CPQ: variants seen among roughly 807,000 people sequenced by gnomAD.
CPQ encodes Ser-Met dipeptidase.
In CPQ, 37 loss-of-function variants were observed where a neutral mutation model predicts 45.7. The ratio of observed to expected loss-of-function variants is 0.81; its 90% confidence interval spans 0.62 to 1.07. The LOEUF is 1.07. CPQ is among the 50% of genes least tolerant of loss of function. The pLI is 0.00. For synonymous variants in CPQ, 186 were observed against 205.8 expected, an observed-to-expected ratio of 0.90 and a Z score of 0.82; for missense variants, 537 against 572.9, an observed-to-expected ratio of 0.94 and a Z score of 0.64.
At chr8:96,967,571 T>C (rs899459327) in intron 5 of CPQ, among the ~76,000 whole-genome samples, 1 of 152,226 alleles carries the variant, frequency 6.6e-6, no homozygotes, top group Non-Finnish European at 1.5e-5. Flanking sequence ...AAAAGTGAAT[T>C]GAGTATCTTT....
At chr8:97,046,114 AT>A (rs1810251263) in intron 6 of CPQ, among the ~76,000 whole-genome samples, 1 of 152,106 alleles carries the variant, frequency 6.6e-6, no homozygotes, top group Non-Finnish European at 1.5e-5. Context: ...TGTCTTAAAG[AT>A]ACCATGTGTG....
chr8:96,756,310 G>A (rs1056233426), intron 1 of CPQ, among the ~76,000 whole-genome samples: 2 of 152,008 alleles, frequency 1.3e-5, no homozygotes, highest in Admixed American at 1.3e-4. Flanking sequence ...CTTGGGGAAT[G>A]AATTTCCCAA....
intron 2 of CPQ, among the ~76,000 whole-genome samples, chr8:96,817,041 C>A (rs915600855): frequency 3.3e-5 from 5 of 152,116 alleles, no homozygotes; most frequent in Admixed American, 2.6e-4. Flanking sequence ...TAGTTTCCAA[C>A]AAGAAGGTCA....
At chr8:96,762,008 G>A (rs913254856) in intron 1 of CPQ, among the ~76,000 whole-genome samples, 5 of 152,218 alleles carry the variant, frequency 3.3e-5, no homozygotes, top group Admixed American at 3.3e-4. Flanking sequence ...GAAGGAGTAT[G>A]TGTGTCTGGC....
intron 1 of CPQ, among the ~76,000 whole-genome samples, chr8:96,743,352 T>G (rs997854900): frequency 5.1e-4 from 77 of 151,484 alleles, no homozygotes; most frequent in African/African-American, 1.8e-3. Context: ...CTTCTCTGTA[T>G]TGGTTATTCT....
chr8:97,112,766 C>T (rs1447135331), intron 7 of CPQ, among the ~76,000 whole-genome samples: 1 of 152,100 alleles, frequency 6.6e-6, no homozygotes, highest in African/African-American at 2.4e-5. Flanking sequence ...CAATGGCTTC[C>T]ATGAGGGGAG....
chr8:96,958,398 T>G (rs80253534), intron 4 of CPQ, among the ~76,000 whole-genome samples: 2,531 of 152,296 alleles, frequency 0.017, 66 homozygotes, highest in African/African-American at 0.057. Context: ...CAACTTATAC[T>G]GTGGTTGCTG....
chr8:96,688,434 T>G (rs781079782), intron 1 of CPQ, among the ~76,000 whole-genome samples: 22 of 152,218 alleles, frequency 1.4e-4, no homozygotes, highest in Non-Finnish European at 2.6e-4. Flanking sequence ...TGTGTAGTTG[T>G]AGAAATAAGT....
chr8:96,890,191 C>T (rs1812354985), intron 4 of CPQ, among the ~76,000 whole-genome samples: 1 of 152,212 alleles, frequency 6.6e-6, no homozygotes, highest in Non-Finnish European at 1.5e-5. Flanking sequence ...AAGTCAATAA[C>T]TCTTACGTCA....
chr8:96,727,353 C>G lies in CPQ; in HGVS notation c.-34-57511C>G, dbSNP rs186314831. ...TTAAAACACATCTGAGGGTGTCTCA[C>G]TTTGAAAACAGGTGTGTTCAATCAT... is the stretch of plus-strand genomic sequence containing the variant. On this transcript the variant is annotated intron_variant, in intron 1 of 7. Coordinates refer to ENST00000220763, the MANE Select transcript of CPQ (RefSeq NM_016134.4). Among the ~76,000 whole-genome samples, 37 of 152,278 alleles carry G rather than the reference C, an allele frequency of 2.4e-4. 1 individual carries two copies. Among genetic ancestry groups the G allele is most frequent in the Admixed American group, 1.1e-3 (17 of 15,290 alleles).
In CPQ at chr8:96,967,188, C is replaced by T. The variant is rs568483896; in HGVS notation, c.961+1142C>T. Among the ~76,000 whole-genome samples, 13 of 152,204 alleles carry T rather than the reference C, an allele frequency of 8.5e-5. No homozygotes were observed. In the East Asian group the frequency reaches 2.1e-3, roughly 25 times the overall value. ...GTTCTAGAGGAAAGCAGGAAAAAGT[C>T]GAACATTTTTCCTCTTCAAAAATCA... On this transcript the variant is annotated intron_variant, in intron 5 of 7. Coordinates refer to ENST00000220763, the MANE Select transcript of CPQ (RefSeq NM_016134.4).
chr8:96,921,845 T>G (rs1740194525), intron 4 of CPQ, among the ~76,000 whole-genome samples: 1 of 152,184 alleles, frequency 6.6e-6, no homozygotes, highest in Admixed American at 6.5e-5. Flanking sequence ...GTGCACTATC[T>G]TATTCATAAT....
intron 5 of CPQ, among the ~76,000 whole-genome samples, chr8:96,982,295 C>T (rs1813914466): frequency 6.6e-6 from 1 of 152,144 alleles, no homozygotes; most frequent in African/African-American, 2.4e-5. Context: ...AGTGAATACT[C>T]TTGCTTTAGG....
chr8:96,972,365 G>C (rs957588438), intron 5 of CPQ, among the ~76,000 whole-genome samples: 3 of 152,182 alleles, frequency 2.0e-5, no homozygotes, highest in African/African-American at 7.2e-5. Flanking sequence ...CCTGCCAAAG[G>C]AGAGGCTGAA....
chr8:96,876,693 A>G (rs1178939130), intron 3 of CPQ, among the ~76,000 whole-genome samples: 1 of 152,166 alleles, frequency 6.6e-6, no homozygotes, highest in African/African-American at 2.4e-5. Flanking sequence ...ATCATGTGGT[A>G]TTGTCCTTTA....
At chr8:97,075,214 T>G (rs1274505357) in intron 7 of CPQ, among the ~76,000 whole-genome samples, 2 of 152,204 alleles carry the variant, frequency 1.3e-5, no homozygotes, top group African/African-American at 4.8e-5. Context: ...GTATGTACTA[T>G]AATGACCCAT....
intron 5 of CPQ, 111 bp downstream of exon 5, chr8:96,966,157 T>C (rs1813556203): frequency 1.5e-6 from 1 of 679,764 alleles, no homozygotes; most frequent in Non-Finnish European, 2.4e-6. Context: ...AAAGATCCTC[T>C]TGAGGTCAGT....
chr8:96,891,588 G>A (rs984626489), intron 4 of CPQ, among the ~76,000 whole-genome samples: 4 of 152,152 alleles, frequency 2.6e-5, no homozygotes, highest in Non-Finnish European at 5.9e-5. Context: ...GAGTTATCCT[G>A]TCCACTTGAT....
chr8:97,000,514 T>A (rs1809259235), intron 5 of CPQ, among the ~76,000 whole-genome samples: 1 of 152,172 alleles, frequency 6.6e-6, no homozygotes. Flanking sequence ...CCCCATTGCT[T>A]GTTTTTGTCA....
Sources: gnomAD v4.1 joint callset for allele counts (sites outside exome capture counted in the v4.1 genomes callset) on GRCh38, gnomAD v4.1.1 for gene constraint, MANE v1.5 for transcripts, NCBI Gene and HGNC (gene_info 2026-07-23, HGNC 2026-07-21) for gene names.